Variants in TFEC observed in about 807,000 individuals in gnomAD.
The protein encoded by TFEC is class E basic helix-loop-helix protein 34.
Under a neutral mutation model 41.6 loss-of-function variants are expected in TFEC, and 31 were observed. That is an observed-to-expected ratio of 0.74 (90% CI 0.56 to 1.01). The LOEUF (loss-of-function observed/expected upper bound fraction) is 1.01, where lower values mean the gene tolerates loss of function less well. Ranked by LOEUF, TFEC falls within the 50% of genes least tolerant of loss-of-function variation. The probability of loss-of-function intolerance (pLI) is 0.00; values close to 1 mark genes in which losing one functional copy is unlikely to be tolerated. For synonymous variants in TFEC, 143 were observed against 140.6 expected, an observed-to-expected ratio of 1.02 and a Z score of -0.12; for missense variants, 402 against 404.1, an observed-to-expected ratio of 0.99 and a Z score of 0.04.
intron 1 of TFEC, among the ~76,000 whole-genome samples, chr7:116,157,607 A>T (rs1798895566): frequency 1.3e-5 from 2 of 152,142 alleles, no homozygotes; most frequent in African/African-American, 4.8e-5. Flanking sequence ...AAAAAATAAT[A>T]TGTTGAGTGT....
chr7:116,129,012 T>C (rs543883531), intron 1 of TFEC, among the ~76,000 whole-genome samples: 84 of 151,524 alleles, frequency 5.5e-4, no homozygotes, highest in Non-Finnish European at 9.9e-4. Context: ...AATTATTACA[T>C]TGAAAAAAAA....
At chr7:115,952,289 CA>C (rs993250684) in intron 5 of TFEC, among the ~76,000 whole-genome samples, 7 of 151,606 alleles carry the variant, frequency 4.6e-5, no homozygotes, top group Non-Finnish European at 7.4e-5. Context: ...AATGACACCA[CA>C]AAAAACACTG....
At chr7:116,110,755 G>A in exon 3 of TFEC, 1 of 1,537,900 alleles carries the variant, frequency 6.5e-7, no homozygotes, top group Non-Finnish European at 8.8e-7. Flanking sequence ...GGTCTTGCTG[G>A]GACAAGTCTA....
chr7:116,109,700 T>C (rs1195282244), intron 3 of TFEC, among the ~76,000 whole-genome samples: 1 of 152,200 alleles, frequency 6.6e-6, no homozygotes, highest in Non-Finnish European at 1.5e-5. Context: ...AGAAATACCA[T>C]TTGGCCCAGC....
chr7:116,047,122 C>T (rs1796184522), intron 3 of TFEC, among the ~76,000 whole-genome samples: 1 of 152,184 alleles, frequency 6.6e-6, no homozygotes, highest in Non-Finnish European at 1.5e-5. Flanking sequence ...CAGCTGATTT[C>T]TGCATTTCCA....
At chr7:116,122,239 CTT>C (rs976095614) in intron 1 of TFEC, among the ~76,000 whole-genome samples, 1 of 152,070 alleles carries the variant, frequency 6.6e-6, no homozygotes, top group African/African-American at 2.4e-5. Flanking sequence ...TCAGAAGTGA[CTT>C]TTATGAACTG....
intron 1 of TFEC, among the ~76,000 whole-genome samples, chr7:115,998,681 T>C (rs1167464925): frequency 6.6e-6 from 1 of 152,030 alleles, no homozygotes; most frequent in Non-Finnish European, 1.5e-5. Flanking sequence ...ACAGTCATTA[T>C]ACTAATAATA....
chr7:115,951,498 A>T (rs1375333374), intron 5 of TFEC, among the ~76,000 whole-genome samples: 5 of 152,104 alleles, frequency 3.3e-5, no homozygotes, highest in African/African-American at 1.2e-4. Flanking sequence ...ATGTATATTG[A>T]TTAGGCTGTA....
intron 1 of TFEC, among the ~76,000 whole-genome samples, chr7:116,129,599 T>C (rs1038639067): frequency 4.1e-5 from 6 of 145,120 alleles, no homozygotes; most frequent in Non-Finnish European, 9.1e-5. Flanking sequence ...TTTTTTTTTT[T>C]TTTTTTTTTT....
chr7:116,049,956 A>C (rs1796267492), intron 3 of TFEC, among the ~76,000 whole-genome samples: 1 of 152,364 alleles, frequency 6.6e-6, no homozygotes, highest in African/African-American at 2.4e-5. Flanking sequence ...AACATACCAG[A>C]ATCTCTGGGA....
intron 1 of TFEC, among the ~76,000 whole-genome samples, chr7:115,985,079 A>G (rs1054520893): frequency 5.4e-5 from 8 of 148,380 alleles, no homozygotes; most frequent in African/African-American, 2.0e-4. Context: ...TCCTGAGCCC[A>G]GTTTTATTTT....
intron 3 of TFEC, among the ~76,000 whole-genome samples, chr7:116,109,777 T>C (rs1584528082): frequency 6.6e-6 from 1 of 152,208 alleles, no homozygotes; most frequent in East Asian, 1.9e-4. Context: ...CATGCACACG[T>C]ATGTTTATTG....
chr7:116,125,726 A>G (rs761600955), intron 1 of TFEC, among the ~76,000 whole-genome samples: 1 of 152,174 alleles, frequency 6.6e-6, no homozygotes, highest in Non-Finnish European at 1.5e-5. Flanking sequence ...CTCAAAACTA[A>G]TGCCATTTAG....
At chr7:115,968,242 C>T (rs2130552920) in intron 3 of TFEC, 1 of 1,529,260 alleles carries the variant, frequency 6.5e-7, no homozygotes, top group African/African-American at 1.4e-5. Context: ...TCTCTTTCTC[C>T]TTCATCATTT....
chr7:116,107,562 T>G (rs964359169), intron 3 of TFEC, among the ~76,000 whole-genome samples: 1 of 152,190 alleles, frequency 6.6e-6, no homozygotes, highest in African/African-American at 2.4e-5. Flanking sequence ...AGATGAGACC[T>G]AGAGCTGTTC....
chr7:115,983,557 T>C (rs1025473731), intron 2 of TFEC, among the ~76,000 whole-genome samples: 1 of 152,146 alleles, frequency 6.6e-6, no homozygotes, highest in Non-Finnish European at 1.5e-5. Flanking sequence ...CAGTTATTAA[T>C]GTAGTTTTTT....
chr7:116,073,449 T>A (rs944589507), intron 3 of TFEC, among the ~76,000 whole-genome samples: 2 of 151,720 alleles, frequency 1.3e-5, no homozygotes, highest in African/African-American at 4.8e-5. Flanking sequence ...TTGGAGTATT[T>A]TTCTTTTTTT....
intron 1 of TFEC, among the ~76,000 whole-genome samples, chr7:116,029,072 C>T (rs1416307683): frequency 6.6e-6 from 1 of 151,944 alleles, no homozygotes. Flanking sequence ...TTTTAAGAAA[C>T]ATTTTTCAGC....
At chr7:115,953,865 G>T (rs1420632253) in intron 5 of TFEC, among the ~76,000 whole-genome samples, 1 of 152,000 alleles carries the variant, frequency 6.6e-6, no homozygotes, top group African/African-American at 2.4e-5. Context: ...TTAGTCATTA[G>T]TTTTAGGAAT....
Sources: gnomAD v4.1 joint callset for allele counts (sites outside exome capture counted in the v4.1 genomes callset) on GRCh38, gnomAD v4.1.1 for gene constraint, MANE v1.5 for transcripts, NCBI Gene and HGNC (gene_info 2026-07-23, HGNC 2026-07-21) for gene names.